DACH1: variants seen among roughly 807,000 people sequenced by gnomAD.
The protein encoded by DACH1 is dachshund homolog 1.
A neutral mutation model predicts 54.2 loss-of-function variants in DACH1; 12 were observed. That is an observed-to-expected ratio of 0.22 (90% confidence interval 0.14 to 0.36). DACH1 has a LOEUF of 0.36. DACH1 is among the 10% of genes least tolerant of loss of function. The pLI is 1.00. For missense variants in DACH1, 805 were observed against 929.8 expected, an observed-to-expected ratio of 0.87 and a Z score of 1.75; for synonymous variants, 386 against 366.2, an observed-to-expected ratio of 1.05 and a Z score of -0.62.
chr13:71,714,757 A>G (rs1882891561), intron 1 of DACH1, among the ~76,000 whole-genome samples: 1 of 152,098 alleles, frequency 6.6e-6, no homozygotes, highest in Non-Finnish European at 1.5e-5. Flanking sequence ...AAACCTATCA[A>G]TGTTTAGAAT....
chr13:71,657,877 G>A (rs1462376977), intron 2 of DACH1, among the ~76,000 whole-genome samples: 1 of 151,928 alleles, frequency 6.6e-6, no homozygotes, highest in Non-Finnish European at 1.5e-5. Context: ...CGGAGTGCTG[G>A]GATTACGGGT....
At chr13:71,682,126 C>T (rs1880938548) in intron 1 of DACH1, among the ~76,000 whole-genome samples, 1 of 152,196 alleles carries the variant, frequency 6.6e-6, no homozygotes, top group Non-Finnish European at 1.5e-5. Flanking sequence ...AATTCATAGC[C>T]TGCACCTCGT....
intron 1 of DACH1, among the ~76,000 whole-genome samples, chr13:71,816,870 T>C (rs1318872710): frequency 2.0e-5 from 3 of 151,858 alleles, no homozygotes; most frequent in African/African-American, 4.8e-5. Context: ...TGAGAACACA[T>C]GGACACATAG....
At chr13:71,637,357 C>A (rs78124900) in intron 2 of DACH1, among the ~76,000 whole-genome samples, 1 of 152,126 alleles carries the variant, frequency 6.6e-6, no homozygotes, top group African/African-American at 2.4e-5. Flanking sequence ...GTAACTCATA[C>A]GATCCATCAT....
At position 71,644,044 on chromosome 13, in the gene DACH1, G is replaced by T. The variant is rs113972222; in HGVS notation, c.965-13327C>A. Among the ~76,000 whole-genome samples the T allele has an allele frequency of 3.6e-4, 55 of 152,234 alleles. 1 individual carries two copies. Among genetic ancestry groups the T allele is most frequent in the African/African-American group, 1.3e-3 (53 of 41,558 alleles). On this transcript the variant is annotated intron_variant, in intron 2 of 10. Coordinates refer to ENST00000613252, the MANE Select transcript of DACH1 (RefSeq NM_080759.6). ...CTAGCTCAACGTAAAACTACAAAAGGGAGGAGGGGGACATGTTTTCTTCCC... is the reference window on the plus strand; with the variant it reads ...CTAGCTCAACGTAAAACTACAAAAGTGAGGAGGGGGACATGTTTTCTTCCC...
rs1566519345 is a variant in DACH1, at chr13:71,816,619, CGTGTATATATACACACACATATGTGT to C, written c.848+49277_848+49302del. ...ACACATATGTGTGTATATATATACA[CGTGTATATATACACACACATATGTGT>C]GTATATATATACACGTGTATATATA... is the stretch of plus-strand genomic sequence containing the variant. On this transcript the variant is annotated intron_variant, in intron 1 of 10. Coordinates refer to ENST00000613252, the MANE Select transcript of DACH1 (RefSeq NM_080759.6). 1.4e-4 allele frequency among the ~76,000 whole-genome samples: 20 copies of C among 138,158 alleles called. 1 individual carries two copies. Among genetic ancestry groups the C allele is most frequent in the South Asian group, 6.9e-4 (3 of 4,378 alleles). The allele number at this position is 138,158 out of a possible 152,430, so 90.6% of individuals were successfully genotyped here.
chr13:71,865,368 C>T (rs1362745542), intron 1 of DACH1, among the ~76,000 whole-genome samples: 1 of 152,136 alleles, frequency 6.6e-6, no homozygotes. Context: ...CGCTCCCTCG[C>T]CTTTCCCAGC....
chr13:71,463,933 T>C (rs1016421602), intron 10 of DACH1, among the ~76,000 whole-genome samples: 5 of 151,990 alleles, frequency 3.3e-5, no homozygotes, highest in Admixed American at 2.0e-4. Flanking sequence ...GTTTTCATTA[T>C]GATCTCTTAG....
At chr13:71,571,350 T>C (rs1885183267) in intron 4 of DACH1, among the ~76,000 whole-genome samples, 1 of 152,212 alleles carries the variant, frequency 6.6e-6, no homozygotes, top group Non-Finnish European at 1.5e-5. Flanking sequence ...TCTAGATAAC[T>C]TTAATGAGTG....
At chr13:71,733,384 A>G (rs754221748) in intron 1 of DACH1, among the ~76,000 whole-genome samples, 7 of 151,976 alleles carry the variant, frequency 4.6e-5, no homozygotes, top group African/African-American at 9.7e-5. Context: ...GTCTCACTCT[A>G]TTGCCCAAGC....
intron 1 of DACH1, among the ~76,000 whole-genome samples, chr13:71,759,959 A>G (rs1315643118): frequency 6.6e-6 from 1 of 152,224 alleles, no homozygotes; most frequent in African/African-American, 2.4e-5. Context: ...GCGACTTGTT[A>G]TCAAGCAGTT....
rs148180078 is a variant in DACH1 at position 71,763,918 on chromosome 13, C to T, written c.849-82008G>A. ...AGGGGCAAAATGCCCACCTTTATGC[C>T]ATGTTGCAAAACATTTTATTCATTT... On this transcript the variant is annotated intron_variant, in intron 1 of 10. Transcript: ENST00000613252. 3.4e-3 allele frequency among the ~76,000 whole-genome samples: 512 copies of T among 152,176 alleles called. 3 individuals carry two copies. Among genetic ancestry groups the T allele is most frequent in the South Asian group, 0.015 (71 of 4,814 alleles).
At chr13:71,564,599 T>C (rs1029098260) in intron 4 of DACH1, among the ~76,000 whole-genome samples, 1 of 151,934 alleles carries the variant, frequency 6.6e-6, no homozygotes, top group Non-Finnish European at 1.5e-5. Context: ...GAATCAAAAA[T>C]AGAATTCAAA....
chr13:71,720,454 A>G (rs1269939796), intron 1 of DACH1, among the ~76,000 whole-genome samples: 1 of 152,230 alleles, frequency 6.6e-6, no homozygotes, highest in Non-Finnish European at 1.5e-5. Context: ...ATTGTCAGCC[A>G]TAACGTCTAG....
chr13:71,706,764 A>C (rs1316111910), intron 1 of DACH1, among the ~76,000 whole-genome samples: 1 of 152,160 alleles, frequency 6.6e-6, no homozygotes, highest in Non-Finnish European at 1.5e-5. Context: ...AAAAATGTTA[A>C]AATGCATTAA....
intron 8 of DACH1, among the ~76,000 whole-genome samples, chr13:71,477,116 T>C (rs1430763257): frequency 8.9e-6 from 1 of 112,028 alleles, no homozygotes; most frequent in Non-Finnish European, 1.9e-5. Context: ...TTTTTTTTTT[T>C]TTTTTTTTTT....
At chr13:71,602,696 G>A (rs1459652102) in intron 3 of DACH1, among the ~76,000 whole-genome samples, 1 of 151,952 alleles carries the variant, frequency 6.6e-6, no homozygotes. Flanking sequence ...GGCTGTTTTA[G>A]ACATGCAAAT....
chr13:71,786,102 A>T (rs922140258), intron 1 of DACH1, among the ~76,000 whole-genome samples: 5 of 152,200 alleles, frequency 3.3e-5, no homozygotes, highest in African/African-American at 1.2e-4. Flanking sequence ...CCAATATAAG[A>T]TTCAGGAGTA....
intron 10 of DACH1, among the ~76,000 whole-genome samples, chr13:71,469,500 A>G (rs1342404285): frequency 6.6e-6 from 1 of 152,194 alleles, no homozygotes; most frequent in Non-Finnish European, 1.5e-5. Flanking sequence ...TAATTTAACA[A>G]TCCTAATCTA....
Sources: allele counts gnomAD v4.1 joint callset (sites outside exome capture counted in the v4.1 genomes callset), GRCh38; gene constraint gnomAD v4.1.1; transcripts MANE v1.5; gene names NCBI Gene and HGNC (gene_info 2026-07-23, HGNC 2026-07-21).